C2CD5: variants seen among roughly 807,000 people sequenced by gnomAD.
The protein encoded by C2CD5 is C2 calcium dependent domain containing 5.
C2CD5 carries 109 observed loss-of-function variants against 130.3 expected under a neutral mutation model. The observed-to-expected ratio is 0.84, with a 90% CI of 0.72 to 0.98. The LOEUF (loss-of-function observed/expected upper bound fraction) is 0.98, where lower values mean the gene tolerates loss of function less well. C2CD5 is among the 50% of genes least tolerant of loss of function. C2CD5 has a pLI of 0.00. For missense variants in C2CD5, 996 were observed against 1,261.8 expected, an observed-to-expected ratio of 0.79 and a Z score of 3.19; for synonymous variants, 454 against 429.2, an observed-to-expected ratio of 1.06 and a Z score of -0.71.
chr12:22,470,935 GT>G, intron 20 of C2CD5, 24 bp from the exon 21 acceptor site: 1 of 1,534,522 alleles, frequency 6.5e-7, no homozygotes, highest in South Asian at 1.1e-5. Flanking sequence ...AACAATAATG[GT>G]TAGCAAAATA....
chr12:22,488,214 A>G (rs1208203483), intron 12 of C2CD5, among the ~76,000 whole-genome samples: 1 of 152,192 alleles, frequency 6.6e-6, no homozygotes. Flanking sequence ...ACAAAGAAAT[A>G]GCAAACAAAT....
chr12:22,518,080 A>AG lies in C2CD5; in HGVS notation c.857dup (p.Leu287SerfsTer22). Reference sequence around the variant, plus strand: ...AAAAGGAATAAGTTTGGTTTTTCAGAGGGGTTGAGGGTCCTGATGAGTGAG... The same window carrying AG: ...AAAAGGAATAAGTTTGGTTTTTCAGAGGGGGTTGAGGGTCCTGATGAGTGAG... On this transcript the variant is annotated frameshift_variant, in exon 8 of 27. Transcript: ENST00000446597. LOFTEE classifies it high-confidence loss of function. 6.2e-7 allele frequency: 1 copy of AG among 1,613,498 alleles called. No homozygotes were observed. The highest frequency in any genetic ancestry group is 8.5e-7 in the Non-Finnish European group (1 of 1,179,484).
intron 22 of C2CD5, among the ~76,000 whole-genome samples, chr12:22,467,556 C>T (rs1350320902): frequency 6.6e-6 from 1 of 152,030 alleles, no homozygotes; most frequent in Non-Finnish European, 1.5e-5. Flanking sequence ...CTATAGAAAC[C>T]CAACGAATTT....
chr12:22,464,442 T>G (rs1941725851), intron 22 of C2CD5, among the ~76,000 whole-genome samples: 1 of 152,182 alleles, frequency 6.6e-6, no homozygotes, highest in Non-Finnish European at 1.5e-5. Flanking sequence ...TTTCCTTTGC[T>G]TTTTACTCCC....
At chr12:22,458,800 CT>C (rs977333204) in intron 23 of C2CD5, 3 of 316,048 alleles carry the variant, frequency 9.5e-6, no homozygotes, top group Non-Finnish European at 1.7e-5. Flanking sequence ...CTGAGCATTT[CT>C]GGTGATGTCA....
chr12:22,515,788 G>C (rs1949658640), intron 8 of C2CD5, among the ~76,000 whole-genome samples: 1 of 151,848 alleles, frequency 6.6e-6, no homozygotes, highest in South Asian at 2.1e-4. Context: ...CATTTACAGA[G>C]ACGTGAGTAC....
At chr12:22,461,975 T>A (rs1489471223) in intron 22 of C2CD5, among the ~76,000 whole-genome samples, 2 of 152,138 alleles carry the variant, frequency 1.3e-5, no homozygotes, top group African/African-American at 4.8e-5. Context: ...CTGGACTGGT[T>A]TGAATACCTC....
chr12:22,468,385 ATTAT>A (rs1257926663), intron 22 of C2CD5, among the ~76,000 whole-genome samples: 2 of 151,940 alleles, frequency 1.3e-5, no homozygotes, highest in African/African-American at 4.8e-5. Flanking sequence ...CATGCAGCTC[ATTAT>A]TTATTTTTTG....
intron 2 of C2CD5, 26 bp from the exon 3 acceptor site, chr12:22,535,370 C>T: frequency 1.7e-6 from 2 of 1,176,486 alleles, no homozygotes; most frequent in Non-Finnish European, 1.3e-6. Context: ...AAATTATTCA[C>T]ATATGAATAT....
chr12:22,515,268 G>C, intron 8 of C2CD5: 1 of 227,026 alleles, frequency 4.4e-6, no homozygotes, highest in Non-Finnish European at 7.3e-6. Context: ...AAAATGTACA[G>C]ACAAATTACA....
At chr12:22,509,162 GCCACCGCGC>G (rs1389028714) in intron 9 of C2CD5, among the ~76,000 whole-genome samples, 3 of 152,182 alleles carry the variant, frequency 2.0e-5, no homozygotes, top group Admixed American at 1.3e-4. Flanking sequence ...ACAGGCGTGA[GCCACCGCGC>G]CCAGCCTTAA....
intron 7 of C2CD5, among the ~76,000 whole-genome samples, chr12:22,521,690 G>C (rs1274753066): frequency 1.3e-5 from 2 of 152,050 alleles, no homozygotes; most frequent in Admixed American, 1.3e-4. Flanking sequence ...TTCATTCTTC[G>C]ATTTATTTAA....
chr12:22,539,121 A>C (rs1952098756), intron 2 of C2CD5, among the ~76,000 whole-genome samples: 1 of 152,038 alleles, frequency 6.6e-6, no homozygotes, highest in Admixed American at 6.5e-5. Flanking sequence ...TTGCCTATTC[A>C]TACTCTTTCT....
At chr12:22,464,555 G>A (rs919354035) in intron 22 of C2CD5, among the ~76,000 whole-genome samples, 1 of 151,772 alleles carries the variant, frequency 6.6e-6, no homozygotes, top group African/African-American at 2.4e-5. Context: ...CTTGCCTTCC[G>A]TCCTTCCTTC....
chr12:22,464,851 G>A (rs963491405), intron 22 of C2CD5, among the ~76,000 whole-genome samples: 1 of 152,172 alleles, frequency 6.6e-6, no homozygotes, highest in East Asian at 1.9e-4. Flanking sequence ...AATTCAAACC[G>A]TTAGTTGGCA....
chr12:22,538,916 T>C (rs923399643), intron 2 of C2CD5, among the ~76,000 whole-genome samples: 1 of 152,132 alleles, frequency 6.6e-6, no homozygotes, highest in Non-Finnish European at 1.5e-5. Flanking sequence ...GTATCAAGCA[T>C]TTATCCCTTT....
chr12:22,529,760 G>A (rs987456841), intron 3 of C2CD5, among the ~76,000 whole-genome samples: 17 of 152,080 alleles, frequency 1.1e-4, no homozygotes, highest in African/African-American at 3.9e-4. Flanking sequence ...AGCTTGGTAG[G>A]GAGGGGGCAA....
chr12:22,535,798 C>G (rs769316980), intron 2 of C2CD5, among the ~76,000 whole-genome samples: 5 of 152,070 alleles, frequency 3.3e-5, no homozygotes, highest in Admixed American at 6.5e-5. Context: ...GATTTGAAAA[C>G]AGAATTGGTG....
At chr12:22,464,808 T>C (rs563200546) in intron 22 of C2CD5, among the ~76,000 whole-genome samples, 1 of 152,184 alleles carries the variant, frequency 6.6e-6, no homozygotes, top group South Asian at 2.1e-4. Flanking sequence ...AAAATGCTTT[T>C]AATTAGTATA....
Sources: gnomAD v4.1 joint callset for allele counts (sites outside exome capture counted in the v4.1 genomes callset) on GRCh38, gnomAD v4.1.1 for gene constraint, MANE v1.5 for transcripts, NCBI Gene and HGNC (gene_info 2026-07-23, HGNC 2026-07-21) for gene names.